RAD51AP2: variants seen among roughly 807,000 people sequenced by gnomAD.
RAD51AP2 encodes the protein RAD51 associated protein 2, also known as RAD51-associated protein 2.
RAD51AP2 carries 67 observed loss-of-function variants against 85.5 expected under a neutral mutation model. That is an observed-to-expected ratio of 0.78 (90% CI 0.64 to 0.96). The LOEUF is 0.96. Among genes scored for constraint, RAD51AP2 ranks in the 40% least tolerant of loss-of-function variants. The pLI, the probability that RAD51AP2 is intolerant of heterozygous loss-of-function variation, is 0.00. For synonymous variants in RAD51AP2, 474 were observed against 446.5 expected, an observed-to-expected ratio of 1.06 and a Z score of -0.78; for missense variants, 1,307 against 1,332.4, an observed-to-expected ratio of 0.98 and a Z score of 0.30.
Position 17,515,987 on chromosome 2 carries a change from G to T in RAD51AP2, c.2429C>A (p.Ser810Tyr). 6.2e-7 allele frequency: 1 copy of T among 1,612,902 alleles called. No individual in the cohort carries two copies. The highest frequency in any genetic ancestry group is 8.5e-7 in the Non-Finnish European group (1 of 1,179,682). ...IIHNEETHTT[S>Y]ITQVLNFWNL... ...CCAAAAATTTAGTACTTGAGTTATA[G>T]AAGTGGTATGGGTCTCTTCATTATG... The change falls in exon 1 of 3, where the codon TCT becomes TAT. Residue 810 changes from serine (S) to tyrosine (Y), a missense_variant. Physicochemically the swap from Ser to Tyr is moderately radical, Grantham distance 144. Around this residue, in one of 3 missense-constraint regions of RAD51AP2, gnomAD observed 668 missense variants for 671.0 expected, o/e 1.00. Coordinates refer to ENST00000399080, the MANE Select transcript of RAD51AP2 (RefSeq NM_001099218.3).
rs1413018151 is a variant in RAD51AP2, at chr2:17,517,008, G to C, written c.1408C>G (p.Gln470Glu). 7 of 1,601,974 alleles carry C rather than the reference G, an allele frequency of 4.4e-6. No individual in the cohort carries two copies. Among genetic ancestry groups the C allele is most frequent in the Non-Finnish European group, 4.2e-6 (5 of 1,176,792 alleles). The change falls in exon 1 of 3, where the codon CAG becomes GAG. Residue 470 changes from glutamine to glutamate, a missense_variant. Around this residue, in one of 3 missense-constraint regions of RAD51AP2, gnomAD observed 635 missense variants for 643.6 expected, o/e 0.99. Coordinates refer to ENST00000399080, the MANE Select transcript of RAD51AP2 (RefSeq NM_001099218.3). ...KLLVREILGS[Q>E]TALITTVWLN... is the part of the protein sequence containing the mutation. ...CAAACAGTCGTTATTAAAGCTGTCT[G>C]ACTACCTAATATTTCTCTTACGAGA... is the stretch of plus-strand genomic sequence containing the variant.
At chr2:17,527,740 A>T in the RAD51AP2 span, among the ~76,000 whole-genome samples, 1 of 152,170 alleles carries the variant, frequency 6.6e-6, no homozygotes, top group African/African-American at 2.4e-5. Flanking sequence ...ACTTGTGTGA[A>T]AGTATATCAT....
the RAD51AP2 span, among the ~76,000 whole-genome samples, chr2:17,526,334 T>TATAGAA: frequency 0.13 from 19,622 of 151,958 alleles, 1,724 homozygotes; most frequent in Middle Eastern, 0.2. Context: ...TTTCAATAGG[T>TATAGAA]ATAGGCTTGT....
chr2:17,536,482 A>G, the RAD51AP2 span, among the ~76,000 whole-genome samples: 1 of 152,254 alleles, frequency 6.6e-6, no homozygotes, highest in Non-Finnish European at 1.5e-5. Context: ...GCCAAATAGT[A>G]GAAGAGAAAA....
intron 1 of RAD51AP2, 57 bp from the exon 2 acceptor site, chr2:17,514,149 T>A: frequency 1.1e-6 from 1 of 922,752 alleles, no homozygotes; most frequent in East Asian, 2.6e-5. Context: ...AAAATATTAA[T>A]GGTATAAACA....
Position 17,517,894 on chromosome 2 carries a change from A to C in RAD51AP2, c.522T>G (p.Asn174Lys), listed in dbSNP as rs1456051043. Residue 174 changes from asparagine (N) to lysine (K), a missense_variant, in exon 1 of 3, where the codon AAT (asparagine) becomes AAG (lysine). This residue lies in a region of RAD51AP2 where 635 missense variants were observed against 643.6 expected (regional missense o/e 0.99). Transcript: ENST00000399080. ...IHDIHGIRNE[N>K]RKQQFVQGRD... is the part of the protein sequence containing the mutation. ...TTCCTTGGACAAACTGTTGTTTTCG[A>C]TTCTCATTTCTAATTCCATGTATAT... 1 of 1,614,102 alleles carries C rather than the reference A, an allele frequency of 6.2e-7. No individual in the cohort carries two copies. Among genetic ancestry groups the C allele is most frequent in the Non-Finnish European group, 8.5e-7 (1 of 1,180,012 alleles).
the RAD51AP2 span, among the ~76,000 whole-genome samples, chr2:17,531,573 T>C: frequency 2.0e-5 from 3 of 152,346 alleles, no homozygotes; most frequent in Admixed American, 2.0e-4. Flanking sequence ...CAGAATATTG[T>C]TTAACATTAC....
the RAD51AP2 span, among the ~76,000 whole-genome samples, chr2:17,527,607 A>G: frequency 6.6e-6 from 1 of 152,204 alleles, no homozygotes; most frequent in South Asian, 2.1e-4. Context: ...TTTAGAAATA[A>G]TCATTAGAAC....
the RAD51AP2 span, among the ~76,000 whole-genome samples, chr2:17,537,333 A>G: frequency 1.6e-3 from 238 of 152,048 alleles, no homozygotes; most frequent in African/African-American, 5.4e-3. Context: ...TCTCAGAAAA[A>G]CAAAAAAAAA....
At chr2:17,511,278 G>A (rs1300330602) in intron 2 of RAD51AP2, among the ~76,000 whole-genome samples, 1 of 152,070 alleles carries the variant, frequency 6.6e-6, no homozygotes, top group African/African-American at 2.4e-5. Context: ...TGATGTTGTG[G>A]CTTTAAACAC....
intron 2 of RAD51AP2, among the ~76,000 whole-genome samples, chr2:17,513,740 A>C (rs1372283821): frequency 6.6e-6 from 1 of 152,192 alleles, no homozygotes; most frequent in Non-Finnish European, 1.5e-5. Context: ...GGCATATGCA[A>C]CACTTAACAT....
the RAD51AP2 span, among the ~76,000 whole-genome samples, chr2:17,535,080 T>G: frequency 6.6e-6 from 1 of 152,242 alleles, no homozygotes; most frequent in Non-Finnish European, 1.5e-5. Context: ...ATATATACTA[T>G]CTCAGTTAAT....
At chr2:17,531,066 CAGGT>C in the RAD51AP2 span, among the ~76,000 whole-genome samples, 1 of 152,136 alleles carries the variant, frequency 6.6e-6, no homozygotes, top group African/African-American at 2.4e-5. Context: ...GTTATCATGA[CAGGT>C]AGTAATATGT....
chr2:17,514,539 G>T (rs973065886), intron 1 of RAD51AP2, among the ~76,000 whole-genome samples: 3 of 128,698 alleles, frequency 2.3e-5, no homozygotes, highest in East Asian at 2.0e-4. Flanking sequence ...AGGGCGGCGG[G>T]GGGGGTGGAT....
chr2:17,531,232 A>T, the RAD51AP2 span, among the ~76,000 whole-genome samples: 24 of 152,352 alleles, frequency 1.6e-4, no homozygotes, highest in East Asian at 4.0e-3. Context: ...TTATACTCAT[A>T]GGCAATAATA....
the RAD51AP2 span, among the ~76,000 whole-genome samples, chr2:17,530,224 A>G: frequency 6.6e-6 from 1 of 152,344 alleles, no homozygotes; most frequent in African/African-American, 2.4e-5. Flanking sequence ...GCCTTGCTAT[A>G]GCAGGGACCA....
chr2:17,530,047 C>T, the RAD51AP2 span, among the ~76,000 whole-genome samples: 8 of 152,188 alleles, frequency 5.3e-5, no homozygotes, highest in African/African-American at 1.9e-4. Context: ...TTTCTTGCCC[C>T]ATTCCCAGTT....
the RAD51AP2 span, among the ~76,000 whole-genome samples, chr2:17,529,022 T>C: frequency 1.3e-5 from 2 of 152,158 alleles, no homozygotes; most frequent in African/African-American, 4.8e-5. Context: ...GTCATACAAA[T>C]CTAGAAATTC....
the RAD51AP2 span, among the ~76,000 whole-genome samples, chr2:17,535,422 T>G: frequency 6.6e-6 from 1 of 152,154 alleles, no homozygotes; most frequent in Non-Finnish European, 1.5e-5. Flanking sequence ...AGAAACCAGT[T>G]AATGATTTTA....
Sources: allele counts gnomAD v4.1 joint callset (sites outside exome capture counted in the v4.1 genomes callset), GRCh38; gene constraint gnomAD v4.1.1; regional missense constraint gnomAD v4.1.1; transcripts MANE v1.5; gene names NCBI Gene and HGNC (gene_info 2026-07-23, HGNC 2026-07-21).